CENPP: variants seen among roughly 807,000 people sequenced by gnomAD.
The protein encoded by CENPP is centromere protein P.
In CENPP, 24 loss-of-function variants were observed where a neutral mutation model predicts 35.6. The observed-to-expected ratio is 0.67, with a 90% CI of 0.49 to 0.95. The LOEUF (loss-of-function observed/expected upper bound fraction) is 0.95, where lower values mean the gene tolerates loss of function less well. Ranked by LOEUF, CENPP falls within the 40% of genes least tolerant of loss-of-function variation. The probability of loss-of-function intolerance (pLI) is 0.00; values close to 1 mark genes in which losing one functional copy is unlikely to be tolerated. For synonymous variants in CENPP, 120 were observed against 125.5 expected (o/e 0.96, Z 0.29); for missense variants, 332 against 345.3 (o/e 0.96, Z 0.31).
At chr9:92,325,779 A>T (rs2130761587), upstream of CENPP, 1 of 532,916 alleles carries the variant, frequency 1.9e-6, no homozygotes, top group African/African-American at 2.0e-5. Flanking sequence ...TTAGACAGCC[A>T]GGGAAACGTG....
At chr9:92,544,303 C>T (rs913013690) in intron 5 of CENPP, among the ~76,000 whole-genome samples, 3 of 152,080 alleles carry the variant, frequency 2.0e-5, no homozygotes, top group African/African-American at 7.2e-5. Flanking sequence ...TGACAAAATC[C>T]CGTCTCTACT....
intron 5 of CENPP, among the ~76,000 whole-genome samples, chr9:92,531,877 G>C (rs1316575964): frequency 6.6e-6 from 1 of 151,856 alleles, no homozygotes; most frequent in Non-Finnish European, 1.5e-5. Context: ...ATACATTCTG[G>C]GGTTGACAAG....
chr9:92,526,368 A>T (rs1040734750), intron 5 of CENPP, among the ~76,000 whole-genome samples: 12 of 152,216 alleles, frequency 7.9e-5, no homozygotes, highest in African/African-American at 2.9e-4. Flanking sequence ...GAATTTTTTT[A>T]AATTCTTGAA....
At chr9:92,366,454 AT>A (rs946821917) in intron 4 of CENPP, among the ~76,000 whole-genome samples, 1 of 152,086 alleles carries the variant, frequency 6.6e-6, no homozygotes, top group African/African-American at 2.4e-5. Flanking sequence ...CATTTTACAG[AT>A]TGTTTATTGT....
In CENPP at chr9:92,476,343, A is replaced by G. The variant is rs2131089476; in HGVS notation, c.564+96484A>G. Among the ~76,000 whole-genome samples, 1 of 152,382 alleles carries G rather than the reference A, an allele frequency of 6.6e-6. No homozygotes were observed. Among genetic ancestry groups the G allele is most frequent in the African/African-American group, 2.4e-5 (1 of 41,602 alleles). ...CATGGGCCTGCTTTTTCCTGGATTT[A>G]AAAATCAAGAATGAATTCATTAACT... On this transcript the variant is annotated intron_variant, in intron 5 of 7. Coordinates refer to ENST00000375587, the MANE Select transcript of CENPP (RefSeq NM_001012267.3). The surrounding 1 kb of genome is among the most constrained non-coding windows in gnomAD (Gnocchi z 4.1).
At chr9:92,474,606 A>G in intron 5 of CENPP, 1 of 1,592,510 alleles carries the variant, frequency 6.3e-7, no homozygotes, top group Non-Finnish European at 8.5e-7. Context: ...TCAAAACAAA[A>G]TCGACTTATA....
chr9:92,466,470 A>T (rs769057452), intron 5 of CENPP: 86 of 1,612,318 alleles, frequency 5.3e-5, no homozygotes, highest in Non-Finnish European at 7.2e-5. Context: ...GTGGTATTTC[A>T]CTTAGTTGAT....
At chr9:92,433,183 G>T (rs868764670) in intron 5 of CENPP, among the ~76,000 whole-genome samples, 2 of 152,276 alleles carry the variant, frequency 1.3e-5, no homozygotes, top group African/African-American at 4.8e-5. Flanking sequence ...CCAGCATTTG[G>T]CAAGGGACTT....
chr9:92,545,443 G>A lies in CENPP; in HGVS notation c.565-65871G>A, dbSNP rs755987517. Among the ~76,000 whole-genome samples, 67 of 152,200 alleles carry A rather than the reference G, an allele frequency of 4.4e-4. 1 individual carries two copies. The highest frequency in any genetic ancestry group is 4.1e-3 in the Admixed American group (62 of 15,286). ...GGTACCCCAGCAGTGCCGGCCCACC[G>A]GCGCTGTGCTTGATTTCTCGTCGGG... On this transcript the variant is annotated intron_variant, in intron 5 of 7. Coordinates refer to ENST00000375587, the MANE Select transcript of CENPP (RefSeq NM_001012267.3).
chr9:92,575,761 G>T (rs973687672), intron 5 of CENPP, among the ~76,000 whole-genome samples: 1 of 151,762 alleles, frequency 6.6e-6, no homozygotes, highest in African/African-American at 2.4e-5. Context: ...GCAGTGAGCC[G>T]AGATTGCACC....
intron 4 of CENPP, among the ~76,000 whole-genome samples, chr9:92,374,046 A>G (rs1190664149): frequency 1.4e-5 from 2 of 146,272 alleles, no homozygotes; most frequent in African/African-American, 5.1e-5. Context: ...CTGAAAATGT[A>G]TCTATGGTGC....
chr9:92,368,323 A>T (rs1424351962), intron 4 of CENPP, among the ~76,000 whole-genome samples: 2 of 152,228 alleles, frequency 1.3e-5, no homozygotes, highest in East Asian at 3.8e-4. Flanking sequence ...CATTATATAC[A>T]TGCAAATATT....
At chr9:92,386,217 C>T (rs1293639125) in intron 5 of CENPP, 23 of 1,607,886 alleles carry the variant, frequency 1.4e-5, no homozygotes, top group Middle Eastern at 1.6e-4. Context: ...ATGAATTACA[C>T]GTAGACTTTC....
At chr9:92,388,532 A>G (rs756024490) in intron 5 of CENPP, among the ~76,000 whole-genome samples, 1 of 151,608 alleles carries the variant, frequency 6.6e-6, no homozygotes, top group Non-Finnish European at 1.5e-5. Flanking sequence ...ATATTTTCAA[A>G]TTACAACTTT....
At chr9:92,567,377 T>TATAGATATATATATAGATATATAG (rs1401492838) in intron 5 of CENPP, among the ~76,000 whole-genome samples, 14 of 87,542 alleles carry the variant, frequency 1.6e-4, no homozygotes, top group Admixed American at 6.4e-4. Flanking sequence ...AAGATAGATA[T>TATAGATATATATATAGATATATAG]ATATATATAT....
intron 5 of CENPP, among the ~76,000 whole-genome samples, chr9:92,519,597 C>G (rs1207357381): frequency 6.6e-6 from 1 of 152,160 alleles, no homozygotes; most frequent in African/African-American, 2.4e-5. Flanking sequence ...GGGACAACAC[C>G]AGCAAGAGAA....
intron 5 of CENPP, among the ~76,000 whole-genome samples, chr9:92,475,640 T>C (rs920805909): frequency 6.6e-6 from 1 of 152,248 alleles, no homozygotes; most frequent in South Asian, 2.1e-4. Context: ...AATATCTTCA[T>C]TGTCTCCTTA....
At chr9:92,438,830 G>A (rs1214851548) in intron 5 of CENPP, among the ~76,000 whole-genome samples, 2 of 152,238 alleles carry the variant, frequency 1.3e-5, no homozygotes, top group African/African-American at 2.4e-5. Context: ...GCATGTGCCT[G>A]TAATCCCAGC....
intron 5 of CENPP, chr9:92,464,780 G>A (rs1845243804): frequency 2.7e-6 from 2 of 742,630 alleles, no homozygotes; most frequent in Admixed American, 2.0e-5. Flanking sequence ...TTATGTGTGT[G>A]TAGACTATAT....
Sources: allele counts gnomAD v4.1 joint callset (sites outside exome capture counted in the v4.1 genomes callset), GRCh38; gene constraint gnomAD v4.1.1; non-coding constraint Gnocchi (gnomAD v3.1); transcripts MANE v1.5; gene names NCBI Gene and HGNC (gene_info 2026-07-23, HGNC 2026-07-21).